NCR3LG1: variants seen among roughly 807,000 people sequenced by gnomAD.
NCR3LG1 encodes the protein natural cytotoxicity triggering receptor 3 ligand 1.
In NCR3LG1, 35 loss-of-function variants were observed where a neutral mutation model predicts 34.8. The ratio of observed to expected loss-of-function variants is 1.01; its 90% confidence interval spans 0.77 to 1.33. NCR3LG1 has a LOEUF of 1.33. NCR3LG1 is among the 40% of genes most tolerant of loss of function. The pLI is 0.00. For missense variants in NCR3LG1, 452 were observed against 423.3 expected (o/e 1.07, Z -0.60); for synonymous variants, 173 against 163.6 (o/e 1.06, Z -0.44).
At chr11:17,368,779 C>A in intron 3 of NCR3LG1, 88 bp from the exon 4 acceptor site, 1 of 878,608 alleles carries the variant, frequency 1.1e-6, no homozygotes, top group Non-Finnish European at 1.8e-6. Context: ...GAGGATGACA[C>A]AACCACACAG....
At chr11:17,369,730 G>T (rs527294402) in intron 4 of NCR3LG1, among the ~76,000 whole-genome samples, 12 of 152,298 alleles carry the variant, frequency 7.9e-5, no homozygotes, top group Non-Finnish European at 1.8e-4. Context: ...ATTCCTGTTG[G>T]ATCTAGGCCA....
In NCR3LG1 at chr11:17,367,000, C is replaced by T; in HGVS notation, c.422-9C>T. 6.6e-7 allele frequency: 1 copy of T among 1,518,412 alleles called. No homozygotes were observed. The allele number at this position is 1,518,412 out of a possible 1,614,324, so 94.1% of individuals were successfully genotyped here. A position where few individuals can be genotyped will look rare whatever the true frequency, so the allele number is the denominator to read the frequency against. On this transcript the variant is annotated splice_polypyrimidine_tract_variant and intron_variant, in intron 2 of 4. Coordinates refer to ENST00000338965, the MANE Select transcript of NCR3LG1 (RefSeq NM_001202439.3). ...GGCCCAACTCTGTATGATTTTTTTT[C>T]CCTGACAGCTTCCCCAGCCAGCAGA...
intron 2 of NCR3LG1, among the ~76,000 whole-genome samples, chr11:17,357,562 G>C (rs1259602064): frequency 2.6e-5 from 4 of 152,084 alleles, no homozygotes; most frequent in African/African-American, 9.7e-5. Context: ...TTTGTCCGTA[G>C]TAATTTTGGG....
At chr11:17,363,526 CCCTCCCTCCCTCCCTCCCTT>C (rs1340739936) in intron 2 of NCR3LG1, among the ~76,000 whole-genome samples, 26 of 65,306 alleles carry the variant, frequency 4.0e-4, no homozygotes, top group African/African-American at 2.0e-3. Flanking sequence ...CTCCCTCCCT[CCCTCCCTCCCTCCCTCCCTT>C]CCTTCCTTCC....
rs1221432120 is a variant in NCR3LG1 at position 17,354,549 on chromosome 11, T to C, written c.71-2102T>C. 1.2e-4 allele frequency among the ~76,000 whole-genome samples: 7 copies of C among 60,848 alleles called. No homozygotes were observed. In the African/African-American group the frequency reaches 2.0e-3, roughly 17 times the overall value. The allele number at this position is 60,848 out of a possible 152,430, so 39.9% of individuals were successfully genotyped here. A position where few individuals can be genotyped will look rare whatever the true frequency, so the allele number is the denominator to read the frequency against. On this transcript the variant is annotated intron_variant, in intron 1 of 4. Coordinates refer to ENST00000338965, the MANE Select transcript of NCR3LG1 (RefSeq NM_001202439.3). ...TCCGACCCCCCAATTCTTCTTCTTT[T>C]TTTTTTTTTTTTTTTTTTTTTTTTG... is the stretch of plus-strand genomic sequence containing the variant.
chr11:17,357,166 A>G (rs1953219946), intron 2 of NCR3LG1, among the ~76,000 whole-genome samples, 165 bp downstream of exon 2: 1 of 152,236 alleles, frequency 6.6e-6, no homozygotes, highest in African/African-American at 2.4e-5. Flanking sequence ...CCATAACAAA[A>G]TACCATTGAC....
Position 17,351,974 on chromosome 11 carries a change from C to G in NCR3LG1, c.5C>G (p.Thr2Arg), listed in dbSNP as rs988016164. Residue 2 changes from threonine to arginine, a missense_variant, in exon 1 of 5, where the codon ACG becomes AGG. Transcript: ENST00000338965. ...TACACAACAGCAGCCGCGGCGATGA[C>G]GTGGAGGGCTGCCGCCTCCACGTGC... M[T>R]WRAAASTCAA... 8.2e-6 allele frequency: 11 copies of G among 1,349,020 alleles called. No individual in the cohort carries two copies. The African/African-American group carries it at 1.7e-4, about 21-fold the overall frequency. 83.6% of individuals were successfully genotyped at this position (1,349,020 alleles called of 1,614,324 possible).
chr11:17,375,234 A>G lies in NCR3LG1; in HGVS notation c.*2722A>G, dbSNP rs1218690447. The G allele has an allele frequency of 1.3e-5, 2 of 152,210 alleles. No individual in the cohort carries two copies. The highest frequency in any genetic ancestry group is 2.1e-4 in the South Asian group (1 of 4,832). 9.4% of individuals were successfully genotyped at this position (152,210 alleles called of 1,614,324 possible). On this transcript the variant is annotated 3_prime_UTR_variant, in exon 5 of 5. Transcript: ENST00000338965. Reference sequence around the variant, plus strand: ...AAAACCTGACCTTGCCTGATCCCAGACACTTTCCTCCCAGAGGAAACTGGA... The same window carrying G: ...AAAACCTGACCTTGCCTGATCCCAGGCACTTTCCTCCCAGAGGAAACTGGA...
chr11:17,371,658 G>A (rs891706570), intron 4 of NCR3LG1, among the ~76,000 whole-genome samples: 6 of 152,212 alleles, frequency 3.9e-5, no homozygotes, highest in African/African-American at 1.4e-4. Context: ...TGTAAGGATA[G>A]AGTTAAGATG....
Position 17,374,459 on chromosome 11 carries a change from C to T in NCR3LG1, c.*1947C>T, listed in dbSNP as rs939758533. 2 of 152,188 alleles carry T rather than the reference C, an allele frequency of 1.3e-5. No homozygotes were observed. The highest frequency in any genetic ancestry group is 6.5e-5 in the Admixed American group (1 of 15,284). 9.4% of individuals were successfully genotyped at this position (152,188 alleles called of 1,614,324 possible). ...AGTTTTACAATATGTAGATGACATT[C>T]TCCTCTGTGCCCCAACTGAGGAAGT... On this transcript the variant is annotated 3_prime_UTR_variant, in exon 5 of 5. Coordinates refer to ENST00000338965, the MANE Select transcript of NCR3LG1 (RefSeq NM_001202439.3).
rs928436968 is a variant in NCR3LG1 at position 17,372,798 on chromosome 11, A to G, written c.*286A>G. 2 of 362,334 alleles carry G rather than the reference A, an allele frequency of 5.5e-6. No homozygotes were observed. The highest frequency in any genetic ancestry group is 8.5e-5 in the Admixed American group (2 of 23,394). The allele number at this position is 362,334 out of a possible 1,614,324, so 22.4% of individuals were successfully genotyped here. A position where few individuals can be genotyped will look rare whatever the true frequency, so the allele number is the denominator to read the frequency against. ...TAAGGAAAGAAGGTGAGAAACAACCAGCATTCACATACCCAATAGGAAGCG... is the reference window on the plus strand; with the variant it reads ...TAAGGAAAGAAGGTGAGAAACAACCGGCATTCACATACCCAATAGGAAGCG... On this transcript the variant is annotated 3_prime_UTR_variant, in exon 5 of 5. Coordinates refer to ENST00000338965, the MANE Select transcript of NCR3LG1 (RefSeq NM_001202439.3).
chr11:17,376,250 C>T lies in NCR3LG1; in HGVS notation c.*3738C>T, dbSNP rs1953475541. 1 of 152,154 alleles carries T rather than the reference C, an allele frequency of 6.6e-6. No homozygotes were observed. The highest frequency in any genetic ancestry group is 2.4e-5 in the African/African-American group (1 of 41,420). The allele number at this position is 152,154 out of a possible 1,614,324, so 9.4% of individuals were successfully genotyped here. A position where few individuals can be genotyped will look rare whatever the true frequency, so the allele number is the denominator to read the frequency against. On this transcript the variant is annotated 3_prime_UTR_variant, in exon 5 of 5. Coordinates refer to ENST00000338965, the MANE Select transcript of NCR3LG1 (RefSeq NM_001202439.3). ...CCTTCATTAACTGGGTAGAGGCATT[C>T]CCATGCCCAACAGAAAAGGCCTCTG...
At chr11:17,377,447 C>G (rs949342695), downstream of NCR3LG1, 5 of 152,154 alleles carry the variant, frequency 3.3e-5, no homozygotes, top group African/African-American at 1.2e-4. Context: ...AAGATTGTGC[C>G]ACTGCACTCT....
Position 17,375,075 on chromosome 11 carries a change from T to C in NCR3LG1, c.*2563T>C, listed in dbSNP as rs1182864835. Reference sequence around the variant, plus strand: ...GTCCCAGAGGCCACCAAGTTAACCCTGGGGAATAACCTGTTTATGCCTCAC... The same window carrying C: ...GTCCCAGAGGCCACCAAGTTAACCCCGGGGAATAACCTGTTTATGCCTCAC... On this transcript the variant is annotated 3_prime_UTR_variant, in exon 5 of 5. Coordinates refer to ENST00000338965, the MANE Select transcript of NCR3LG1 (RefSeq NM_001202439.3). 1 of 152,190 alleles carries C rather than the reference T, an allele frequency of 6.6e-6. No individual in the cohort carries two copies. Among genetic ancestry groups the C allele is most frequent in the African/African-American group, 2.4e-5 (1 of 41,460 alleles). The allele number at this position is 152,190 out of a possible 1,614,324, so 9.4% of individuals were successfully genotyped here. A position where few individuals can be genotyped will look rare whatever the true frequency, so the allele number is the denominator to read the frequency against.
chr11:17,359,469 A>G (rs1953246102), intron 2 of NCR3LG1, among the ~76,000 whole-genome samples: 1 of 147,238 alleles, frequency 6.8e-6, no homozygotes, highest in Admixed American at 6.8e-5. Flanking sequence ...AAACAACTTT[A>G]TCTACTAGAG....
chr11:17,367,214 C>T lies in NCR3LG1; in HGVS notation c.627C>T (p.Val209=), dbSNP rs1295821205. The T allele has an allele frequency of 2.6e-6, 4 of 1,536,344 alleles. No homozygotes were observed. Among genetic ancestry groups the T allele is most frequent in the East Asian group, 4.9e-5 (2 of 40,922 alleles). Residue 209 remains valine, a synonymous_variant, in exon 3 of 5, where the codon GTC becomes GTT. Coordinates refer to ENST00000338965, the MANE Select transcript of NCR3LG1 (RefSeq NM_001202439.3). The stretch of plus-strand genomic sequence containing the variant: ...AGAATATGGATGGCACATTTAATGT[C>T]ACTAGCTGCTTGAAGCTGAACTCCT... The part of the protein sequence containing the change: ...TIKNMDGTFN[V]TSCLKLNSSQ...
chr11:17,353,015 G>C (rs958025915), intron 1 of NCR3LG1, among the ~76,000 whole-genome samples: 2 of 152,202 alleles, frequency 1.3e-5, no homozygotes, highest in East Asian at 3.9e-4. Flanking sequence ...CCGGAGGCGC[G>C]CTCTGGGCGC....
In NCR3LG1 at chr11:17,374,098, G is replaced by C. The variant is rs1277851781; in HGVS notation, c.*1586G>C. 6.6e-5 allele frequency: 10 copies of C among 152,078 alleles called. No individual in the cohort carries two copies. The highest frequency in any genetic ancestry group is 1.5e-4 in the Non-Finnish European group (10 of 68,022). The allele number at this position is 152,078 out of a possible 1,614,324, so 9.4% of individuals were successfully genotyped here. A position where few individuals can be genotyped will look rare whatever the true frequency, so the allele number is the denominator to read the frequency against. On this transcript the variant is annotated 3_prime_UTR_variant, in exon 5 of 5. Coordinates refer to ENST00000338965, the MANE Select transcript of NCR3LG1 (RefSeq NM_001202439.3). ...GCCCTTGAAACACCCCAATATTAGG[G>C]GTGCAAAAATCCAATGGGGAAGGGA...
At chr11:17,354,545 C>CTTTTTTTTTTTTTTTTTTTTTTTT (rs71047545) in intron 1 of NCR3LG1, among the ~76,000 whole-genome samples, 12 of 70,332 alleles carry the variant, frequency 1.7e-4, no homozygotes, top group Non-Finnish European at 2.7e-4. Context: ...AATTCTTCTT[C>CTTTTTTTTTTTTTTTTTTTTTTTT]TTTTTTTTTT....
Sources: gnomAD v4.1 joint callset for allele counts (sites outside exome capture counted in the v4.1 genomes callset) on GRCh38, gnomAD v4.1.1 for gene constraint, MANE v1.5 for transcripts, NCBI Gene and HGNC (gene_info 2026-07-23, HGNC 2026-07-21) for gene names.